NBEA: variants seen among roughly 807,000 people sequenced by gnomAD.
NBEA encodes neurobeachin.
Under a neutral mutation model 343.4 loss-of-function variants are expected in NBEA, and 44 were observed. That is an observed-to-expected ratio of 0.13 (90% CI 0.10 to 0.16). The LOEUF (loss-of-function observed/expected upper bound fraction) is 0.16. Ranked by LOEUF, NBEA falls within the 10% of genes least tolerant of loss-of-function variation. The probability of loss-of-function intolerance (pLI) is 1.00; values close to 1 mark genes in which losing one functional copy is unlikely to be tolerated. For missense variants in NBEA, 2,555 were observed against 3,631.3 expected, an observed-to-expected ratio of 0.70 and a Z score of 7.62; for synonymous variants, 1,175 against 1,238.7, an observed-to-expected ratio of 0.95 and a Z score of 1.08.
intron 34 of NBEA, among the ~76,000 whole-genome samples, chr13:35,281,690 A>G (rs961409391): frequency 6.6e-6 from 1 of 152,088 alleles, no homozygotes; most frequent in East Asian, 1.9e-4. Flanking sequence ...CAAAGAAAAA[A>G]CACCAGTGCT....
At chr13:35,459,005 GCCCC>G (rs559844063) in intron 40 of NBEA, among the ~76,000 whole-genome samples, 1,415 of 100,534 alleles carry the variant, frequency 0.014, 115 homozygotes, top group African/African-American at 0.063. Flanking sequence ...CTTTACCACC[GCCCC>G]CCCCCCCCCA....
chr13:34,943,304 C>T (rs1178733950), intron 1 of NBEA, among the ~76,000 whole-genome samples, 190 bp downstream of exon 1: 1 of 152,116 alleles, frequency 6.6e-6, no homozygotes, highest in East Asian at 1.9e-4. Context: ...CCTCCCTCCT[C>T]TCCTCTTTCT....
At chr13:35,272,030 G>A (rs1015779623) in intron 34 of NBEA, among the ~76,000 whole-genome samples, 1 of 152,052 alleles carries the variant, frequency 6.6e-6, no homozygotes, top group African/African-American at 2.4e-5. Flanking sequence ...TCCTCGAGAC[G>A]AGCCACCCCA....
Position 34,942,503 on chromosome 13 carries a change from A to T in NBEA, c.-318A>T. On this transcript the variant is annotated 5_prime_UTR_variant, in exon 1 of 59. Coordinates refer to ENST00000379939, the MANE Select transcript of NBEA (RefSeq NM_001385012.1). ...CGGGCCGGGCCGGACAGACCGGGAG[A>T]GGGAGAGAGCAGAGGCAGCGGCGGC... is the stretch of plus-strand genomic sequence containing the variant. 1 of 179,980 alleles carries T rather than the reference A, an allele frequency of 5.6e-6. No homozygotes were observed. Among genetic ancestry groups the T allele is most frequent in the Non-Finnish European group, 1.1e-5 (1 of 87,370 alleles). 11.1% of individuals were successfully genotyped at this position (179,980 alleles called of 1,614,324 possible). A position where few individuals can be genotyped will look rare whatever the true frequency, so the allele number is the denominator to read the frequency against.
intron 45 of NBEA, among the ~76,000 whole-genome samples, chr13:35,583,026 G>C (rs185443360): frequency 3.3e-5 from 5 of 152,242 alleles, no homozygotes; most frequent in African/African-American, 1.2e-4. Context: ...TTAATTTATA[G>C]TATGCAACTT....
chr13:35,486,291 A>G (rs933431959), intron 41 of NBEA, among the ~76,000 whole-genome samples: 8 of 152,092 alleles, frequency 5.3e-5, no homozygotes, highest in Non-Finnish European at 1.0e-4. Flanking sequence ...CTATACTTAC[A>G]TGGATTATTC....
At chr13:35,236,923 T>A (rs1427251465) in intron 34 of NBEA, among the ~76,000 whole-genome samples, 1 of 152,146 alleles carries the variant, frequency 6.6e-6, no homozygotes, top group African/African-American at 2.4e-5. Flanking sequence ...TATCTTATTG[T>A]TTATATTGTC....
At chr13:35,127,748 A>G (rs1334099467) in intron 17 of NBEA, among the ~76,000 whole-genome samples, 2 of 152,162 alleles carry the variant, frequency 1.3e-5, no homozygotes, top group East Asian at 3.9e-4. Flanking sequence ...CACAGTTAAA[A>G]AGATAAGCAG....
chr13:35,373,738 C>G (rs1164429281), intron 38 of NBEA, among the ~76,000 whole-genome samples: 1 of 135,290 alleles, frequency 7.4e-6, no homozygotes, highest in Non-Finnish European at 1.6e-5. Context: ...TAACAAAAAC[C>G]TAAGAAAGAG....
At chr13:35,091,455 G>A (rs1254636171) in intron 10 of NBEA, among the ~76,000 whole-genome samples, 1 of 151,766 alleles carries the variant, frequency 6.6e-6, no homozygotes, top group Non-Finnish European at 1.5e-5. Context: ...GCTACAATAA[G>A]GTAAGAAAAT....
chr13:35,186,679 A>G (rs2071727392), intron 30 of NBEA: 1 of 152,194 alleles, frequency 6.6e-6, no homozygotes, highest in South Asian at 2.1e-4. Flanking sequence ...GCTCATTGTC[A>G]ACATCATAAA....
intron 48 of NBEA, among the ~76,000 whole-genome samples, chr13:35,617,646 C>T (rs2082794248): frequency 6.6e-6 from 1 of 152,196 alleles, no homozygotes; most frequent in Non-Finnish European, 1.5e-5. Flanking sequence ...CTGCATGATT[C>T]TGCAGCTGCT....
intron 41 of NBEA, among the ~76,000 whole-genome samples, chr13:35,508,271 A>G (rs1052052933): frequency 6.6e-6 from 1 of 152,206 alleles, no homozygotes; most frequent in African/African-American, 2.4e-5. Context: ...TTGGGAAAGT[A>G]TAAGGGACAG....
At chr13:35,619,138 G>T (rs777827192) in intron 48 of NBEA, among the ~76,000 whole-genome samples, 5 of 150,816 alleles carry the variant, frequency 3.3e-5, no homozygotes, top group Non-Finnish European at 5.9e-5. Context: ...AAAAACCCCA[G>T]CTTAAAAAAG....
chr13:35,021,307 G>A lies in NBEA; in HGVS notation c.295-19626G>A, dbSNP rs547958422. Reference sequence around the variant, plus strand: ...ATCATGGAGACCAAATGGCTTACAAGTCTAAAATTTTCAGTATGTGGCCTT... The same window carrying A: ...ATCATGGAGACCAAATGGCTTACAAATCTAAAATTTTCAGTATGTGGCCTT... On this transcript the variant is annotated intron_variant, in intron 1 of 58. Coordinates refer to ENST00000379939, the MANE Select transcript of NBEA (RefSeq NM_001385012.1). Among the ~76,000 whole-genome samples the A allele has an allele frequency of 8.5e-5, 13 of 152,258 alleles. No individual in the cohort carries two copies. In the South Asian group the frequency reaches 1.5e-3, roughly 17 times the overall value.
intron 1 of NBEA, among the ~76,000 whole-genome samples, chr13:34,979,292 G>A (rs1489699826): frequency 6.6e-6 from 1 of 152,132 alleles, no homozygotes; most frequent in Non-Finnish European, 1.5e-5. Context: ...GGCCAAGGCA[G>A]GCAGATCATC....
chr13:35,564,159 T>C (rs996044830), intron 44 of NBEA, among the ~76,000 whole-genome samples: 2 of 152,076 alleles, frequency 1.3e-5, no homozygotes, highest in African/African-American at 4.8e-5. Context: ...ATTTAAATAC[T>C]GTGTTTATGT....
rs147565345 is a variant in NBEA at position 35,255,968 on chromosome 13, G to A, written c.5776+23349G>A. On this transcript the variant is annotated intron_variant, in intron 34 of 58. Coordinates refer to ENST00000379939, the MANE Select transcript of NBEA (RefSeq NM_001385012.1). ...GACCCAAAGTGGGTAGCTCCTTTCC[G>A]CAGGCAGGTCATCCCAGTGAGTGTC... Among the ~76,000 whole-genome samples, 666 of 152,296 alleles carry A rather than the reference G, an allele frequency of 4.4e-3. 5 individuals carry two copies. The highest frequency in any genetic ancestry group is 0.015 in the African/African-American group (641 of 41,570).
intron 13 of NBEA, among the ~76,000 whole-genome samples, chr13:35,114,697 G>C (rs2066407795): frequency 6.6e-6 from 1 of 152,064 alleles, no homozygotes; most frequent in Non-Finnish European, 1.5e-5. Context: ...GAGAAGGAAA[G>C]GAAGAGTACC....
Sources: gnomAD v4.1 joint callset for allele counts (sites outside exome capture counted in the v4.1 genomes callset) on GRCh38, gnomAD v4.1.1 for gene constraint, MANE v1.5 for transcripts, NCBI Gene and HGNC (gene_info 2026-07-23, HGNC 2026-07-21) for gene names.